Variants in NCKAP5 observed in about 807,000 individuals in gnomAD.
NCKAP5 encodes the protein nck-associated protein 5.
In NCKAP5, 92 loss-of-function variants were observed where a neutral mutation model predicts 167.0. That is an observed-to-expected ratio of 0.55 (90% CI 0.47 to 0.66). NCKAP5 has a LOEUF of 0.66. Ranked by LOEUF, NCKAP5 falls within the 30% of genes least tolerant of loss-of-function variation. The pLI, the probability that NCKAP5 is intolerant of heterozygous loss-of-function variation, is 0.00. For synonymous variants in NCKAP5, 891 were observed against 877.4 expected, an observed-to-expected ratio of 1.02 and a Z score of -0.27; for missense variants, 2,378 against 2,315.0, an observed-to-expected ratio of 1.03 and a Z score of -0.56.
chr2:132,735,669 C>T (rs1691439157), intron 16 of NCKAP5, among the ~76,000 whole-genome samples: 1 of 152,182 alleles, frequency 6.6e-6, no homozygotes, highest in Non-Finnish European at 1.5e-5. Context: ...TCTCCCTCTT[C>T]TATGTATTAT....
At chr2:133,055,298 G>A (rs1040359585) in intron 6 of NCKAP5, among the ~76,000 whole-genome samples, 1 of 151,972 alleles carries the variant, frequency 6.6e-6, no homozygotes, top group African/African-American at 2.4e-5. Flanking sequence ...ACCGAGCCAA[G>A]AATTAGGGTT....
At chr2:133,400,797 A>G (rs1688048821) in intron 3 of NCKAP5, among the ~76,000 whole-genome samples, 1 of 152,226 alleles carries the variant, frequency 6.6e-6, no homozygotes, top group African/African-American at 2.4e-5. Flanking sequence ...TGTGGCCCAT[A>G]TAAAAATGCT....
intron 4 of NCKAP5, among the ~76,000 whole-genome samples, chr2:133,245,208 C>A (rs907339670): frequency 6.6e-6 from 1 of 152,152 alleles, no homozygotes; most frequent in Non-Finnish European, 1.5e-5. Context: ...AAGACCCAGA[C>A]CAGGACATAC....
At chr2:133,390,760 T>C (rs187475185) in intron 3 of NCKAP5, among the ~76,000 whole-genome samples, 35 of 152,274 alleles carry the variant, frequency 2.3e-4, no homozygotes, top group African/African-American at 7.7e-4. Context: ...TACCTGTGTC[T>C]AGGCTCCATC....
intron 3 of NCKAP5, among the ~76,000 whole-genome samples, chr2:133,430,240 CTCAT>C (rs1690071688): frequency 6.6e-6 from 1 of 151,854 alleles, no homozygotes; most frequent in African/African-American, 2.4e-5. Context: ...TTCTTGTTGA[CTCAT>C]TTAAGTTTCT....
chr2:133,140,262 G>A (rs2082947545), intron 5 of NCKAP5, among the ~76,000 whole-genome samples: 1 of 152,116 alleles, frequency 6.6e-6, no homozygotes, highest in Non-Finnish European at 1.5e-5. Context: ...AGAAGACACA[G>A]CATTTCAGGT....
At chr2:133,352,487 A>G (rs1684430887) in intron 3 of NCKAP5, among the ~76,000 whole-genome samples, 1 of 152,238 alleles carries the variant, frequency 6.6e-6, no homozygotes, top group African/African-American at 2.4e-5. Context: ...TGAGGCATAG[A>G]GAAGAGGTCT....
chr2:133,407,495 G>A (rs79409153), intron 3 of NCKAP5, among the ~76,000 whole-genome samples: 1 of 152,162 alleles, frequency 6.6e-6, no homozygotes, highest in African/African-American at 2.4e-5. Context: ...GGTTGGTTGC[G>A]GGAGGCAAGG....
chr2:133,415,900 C>T (rs1206015769), intron 3 of NCKAP5, among the ~76,000 whole-genome samples: 1 of 152,214 alleles, frequency 6.6e-6, no homozygotes, highest in African/African-American at 2.4e-5. Flanking sequence ...GGTTTTGATT[C>T]CCAGAGATGA....
At chr2:133,427,688 T>A (rs1689899114) in intron 3 of NCKAP5, among the ~76,000 whole-genome samples, 1 of 152,140 alleles carries the variant, frequency 6.6e-6, no homozygotes, top group Admixed American at 6.6e-5. Context: ...CAATGCAATG[T>A]GAGAAAATCA....
chr2:133,547,288 G>A (rs1239107382), intron 2 of NCKAP5, among the ~76,000 whole-genome samples: 2 of 152,224 alleles, frequency 1.3e-5, no homozygotes, highest in African/African-American at 2.4e-5. Flanking sequence ...CAAGGCGGCA[G>A]AGAGGCTGGG....
chr2:133,548,226 T>C (rs1336314086), intron 2 of NCKAP5, among the ~76,000 whole-genome samples: 1 of 151,982 alleles, frequency 6.6e-6, no homozygotes, highest in Admixed American at 6.6e-5. Flanking sequence ...TATGGGACTA[T>C]GTGAAAAGAC....
the NCKAP5 span, among the ~76,000 whole-genome samples, chr2:133,596,554 G>T: frequency 2.6e-5 from 4 of 152,188 alleles, no homozygotes; most frequent in Non-Finnish European, 4.4e-5. Flanking sequence ...GTGATCACTG[G>T]ATGTGGGGGA....
At chr2:132,912,951 A>G (rs921492998) in intron 8 of NCKAP5, among the ~76,000 whole-genome samples, 1 of 152,080 alleles carries the variant, frequency 6.6e-6, no homozygotes, top group African/African-American at 2.4e-5. Flanking sequence ...TTTGCTTTCA[A>G]TTTGAATGTT....
chr2:133,224,044 A>G (rs2150217315), intron 4 of NCKAP5, among the ~76,000 whole-genome samples: 1 of 152,350 alleles, frequency 6.6e-6, no homozygotes, highest in African/African-American at 2.4e-5. Flanking sequence ...CTTGTCCTTA[A>G]CTAGCTTTCT....
intron 7 of NCKAP5, among the ~76,000 whole-genome samples, chr2:132,979,313 T>C (rs544248866): frequency 1.3e-5 from 2 of 151,974 alleles, no homozygotes; most frequent in African/African-American, 2.4e-5. Flanking sequence ...TCTAGGAAGG[T>C]TTTTCCAGCA....
At chr2:133,244,066 C>T (rs1363782950) in intron 4 of NCKAP5, among the ~76,000 whole-genome samples, 1 of 152,142 alleles carries the variant, frequency 6.6e-6, no homozygotes, top group Non-Finnish European at 1.5e-5. Context: ...GATTTCAATC[C>T]TATCCCATTC....
intron 2 of NCKAP5, among the ~76,000 whole-genome samples, chr2:133,556,301 A>C (rs1687731339): frequency 6.6e-6 from 1 of 152,258 alleles, no homozygotes; most frequent in Non-Finnish European, 1.5e-5. Context: ...CAAATGTCCC[A>C]AATAAATCTA....
intron 2 of NCKAP5, among the ~76,000 whole-genome samples, chr2:133,535,149 A>C (rs1685661289): frequency 2.0e-5 from 3 of 152,160 alleles, no homozygotes; most frequent in Non-Finnish European, 4.4e-5. Context: ...GGTTATGTAA[A>C]ACTAGATTCA....
Sources: gnomAD v4.1 joint callset for allele counts (sites outside exome capture counted in the v4.1 genomes callset) on GRCh38, gnomAD v4.1.1 for gene constraint, MANE v1.5 for transcripts, NCBI Gene and HGNC (gene_info 2026-07-23, HGNC 2026-07-21) for gene names.